The following EML4 variants were observed in gnomAD, a reference collection of about 807,000 sequenced individuals.
EML4 encodes the protein EMAP like 4.
In EML4, 72 loss-of-function variants were observed where a neutral mutation model predicts 129.0. That is an observed-to-expected ratio of 0.56 (90% CI 0.46 to 0.68). The LOEUF is 0.68. Among genes scored for constraint, EML4 ranks in the 30% least tolerant of loss-of-function variants. The probability of loss-of-function intolerance (pLI) is 0.00; values close to 1 mark genes in which losing one functional copy is unlikely to be tolerated. For missense variants in EML4, 1,363 were observed against 1,190.6 expected, an observed-to-expected ratio of 1.14 and a Z score of -2.13; for synonymous variants, 532 against 405.0, an observed-to-expected ratio of 1.31 and a Z score of -3.77.
rs1023349017 is a variant in EML4, at chr2:42,288,465, T to C, written c.1218+143T>C. ...GCCAAATTCAGCAAATTTAGTGATT[T>C]GTCATAATCGTTAAGATATTAACAC... On this transcript the variant is annotated intron_variant, in intron 11 of 22. Coordinates refer to ENST00000318522, the MANE Select transcript of EML4 (RefSeq NM_019063.5). The C allele has an allele frequency of 1.6e-4, 73 of 463,724 alleles. 1 individual carries two copies. The highest frequency in any genetic ancestry group is 2.6e-4 in the Non-Finnish European group (66 of 258,532). The allele number at this position is 463,724 out of a possible 1,614,324, so 28.7% of individuals were successfully genotyped here. A position where few individuals can be genotyped will look rare whatever the true frequency, so the allele number is the denominator to read the frequency against.
intron 6 of EML4, among the ~76,000 whole-genome samples, chr2:42,278,501 G>T (rs1022488414): frequency 1.3e-5 from 2 of 151,048 alleles, no homozygotes; most frequent in Non-Finnish European, 2.9e-5. Context: ...TTAAACCCGG[G>T]TGGCGGAGGT....
At chr2:42,293,074 G>GT (rs1240046720) in intron 11 of EML4, among the ~76,000 whole-genome samples, 1 of 151,788 alleles carries the variant, frequency 6.6e-6, no homozygotes, top group African/African-American at 2.4e-5. Flanking sequence ...GGAAAATTAC[G>GT]TAACAAGCAA....
chr2:42,310,469 C>T (rs1668875351), intron 17 of EML4, among the ~76,000 whole-genome samples: 1 of 152,144 alleles, frequency 6.6e-6, no homozygotes, highest in Non-Finnish European at 1.5e-5. Flanking sequence ...CCTCAACCTC[C>T]CAGGTAGCTG....
At chr2:42,216,270 T>A (rs1255668264) in intron 1 of EML4, among the ~76,000 whole-genome samples, 1 of 132,104 alleles carries the variant, frequency 7.6e-6, no homozygotes, top group Non-Finnish European at 1.6e-5. Context: ...TGAGATGGTG[T>A]CTTGCTCTGT....
At chr2:42,169,838 A>T in intron 1 of EML4, 1 of 490,766 alleles carries the variant, frequency 2.0e-6, no homozygotes, top group South Asian at 3.5e-5. Flanking sequence ...CCTCTGTGTC[A>T]GACCCTCCTT....
chr2:42,282,852 C>A lies in EML4; in HGVS notation c.821C>A (p.Ala274Asp). 7 of 1,612,976 alleles carry A rather than the reference C, an allele frequency of 4.3e-6. No homozygotes were observed. Among genetic ancestry groups the A allele is most frequent in the Non-Finnish European group, 5.9e-6 (7 of 1,179,108 alleles). ...AYGYRGKDCR[A>D]NVYLLPTGKI... ...GGTTATCGAGGAAAGGACTGTAGAG[C>A]TAATGTTTACCTTCTTCCGACCGGG... is the stretch of plus-strand genomic sequence containing the variant. Residue 274 changes from alanine (A) to aspartate (D), a missense_variant, in exon 8 of 23, where the codon GCT (alanine) becomes GAT (aspartate). By Grantham distance (126) the Ala-to-Asp change is moderately radical. Coordinates refer to ENST00000318522, the MANE Select transcript of EML4 (RefSeq NM_019063.5).
chr2:42,197,913 T>C (rs1671988189), intron 1 of EML4, among the ~76,000 whole-genome samples: 1 of 152,172 alleles, frequency 6.6e-6, no homozygotes, highest in Admixed American at 6.5e-5. Context: ...ATTTGAAGCA[T>C]AGGGTGGTGG....
chr2:42,278,235 AAGTC>A (rs2104449978), intron 6 of EML4, among the ~76,000 whole-genome samples: 1 of 152,236 alleles, frequency 6.6e-6, no homozygotes, highest in African/African-American at 2.4e-5. Flanking sequence ...AGGCAGGGTT[AAGTC>A]GGGGTGGGGT....
At position 42,282,451 on chromosome 2, in the gene EML4, C is replaced by T. The variant is rs190133264; in HGVS notation, c.792-372C>T. On this transcript the variant is annotated intron_variant, in intron 7 of 22. Coordinates refer to ENST00000318522, the MANE Select transcript of EML4 (RefSeq NM_019063.5). Reference sequence around the variant, plus strand: ...TGGCCCAGGCTGGAGTGCAGTGGCACGATCACTGCTCACTGTAGCCTTGAC... The same window carrying T: ...TGGCCCAGGCTGGAGTGCAGTGGCATGATCACTGCTCACTGTAGCCTTGAC... Among the ~76,000 whole-genome samples, 21 of 152,130 alleles carry T rather than the reference C, an allele frequency of 1.4e-4. No homozygotes were observed. In the East Asian group the frequency reaches 1.5e-3, roughly 11 times the overall value.
At chr2:42,287,817 G>A (rs1333882711) in intron 10 of EML4, among the ~76,000 whole-genome samples, 3 of 152,066 alleles carry the variant, frequency 2.0e-5, no homozygotes. Flanking sequence ...CTGTCAAACT[G>A]TCAAAATTTA....
rs115988792 is a variant in EML4, at chr2:42,223,614, A to C, written c.26-21891A>C. ...AGTAACCATTTTTTAGTCTTTCCCCATGACAAGAGTACAATGTGAGAAAGT... is the reference window on the plus strand; with the variant it reads ...AGTAACCATTTTTTAGTCTTTCCCCCTGACAAGAGTACAATGTGAGAAAGT... On this transcript the variant is annotated intron_variant, in intron 1 of 22. Coordinates refer to ENST00000318522, the MANE Select transcript of EML4 (RefSeq NM_019063.5). Among the ~76,000 whole-genome samples, 1,076 of 152,166 alleles carry C rather than the reference A, an allele frequency of 7.1e-3. 10 individuals are homozygous for C. The highest frequency in any genetic ancestry group is 0.025 in the African/African-American group (1,026 of 41,524).
intron 1 of EML4, among the ~76,000 whole-genome samples, chr2:42,240,217 G>C (rs936572028): frequency 1.3e-5 from 2 of 152,006 alleles, no homozygotes; most frequent in African/African-American, 4.8e-5. Flanking sequence ...AAGAAGTTAA[G>C]CTTCAGAAGC....
chr2:42,305,453 G>C (rs1359309022), intron 17 of EML4, among the ~76,000 whole-genome samples: 1 of 152,164 alleles, frequency 6.6e-6, no homozygotes, highest in African/African-American at 2.4e-5. Flanking sequence ...CTTTTATGCA[G>C]GGGAAGGATT....
chr2:42,199,336 G>C (rs1672083377), intron 1 of EML4, among the ~76,000 whole-genome samples: 1 of 152,182 alleles, frequency 6.6e-6, no homozygotes, highest in Admixed American at 6.5e-5. Flanking sequence ...ATTTGCCCAG[G>C]CTAATGGTGG....
chr2:42,254,251 T>TA (rs1386201706), intron 2 of EML4, among the ~76,000 whole-genome samples: 4 of 151,992 alleles, frequency 2.6e-5, no homozygotes, highest in Non-Finnish European at 4.4e-5. Flanking sequence ...ACCTAAGAGT[T>TA]AGAGACCAGC....
At chr2:42,256,754 C>A in intron 3 of EML4, 124 bp downstream of exon 3, 1 of 1,218,354 alleles carries the variant, frequency 8.2e-7, no homozygotes, top group Non-Finnish European at 1.1e-6. Flanking sequence ...CCTTTGAATT[C>A]TTAAACTGTG....
rs1669802992 is a variant in EML4 at position 42,326,197 on chromosome 2, T to C, written c.2286T>C (p.Asp762=). ...GCAAACTAATCAGGAATCGATCGGA[T>C]TGTAAGGACATTGATTGGACGACAT... ...NGCKLIRNRS[D]CKDIDWTTYT... Residue 762 remains aspartate (D), a synonymous_variant, in exon 21 of 23, where the codon GAT becomes GAC. Coordinates refer to ENST00000318522, the MANE Select transcript of EML4 (RefSeq NM_019063.5). 3 of 1,613,840 alleles carry C rather than the reference T, an allele frequency of 1.9e-6. No homozygotes were observed. The highest frequency in any genetic ancestry group is 1.1e-5 in the South Asian group (1 of 91,052).
intron 1 of EML4, among the ~76,000 whole-genome samples, chr2:42,186,053 C>G (rs1233196451): frequency 2.0e-5 from 3 of 152,108 alleles, no homozygotes; most frequent in Admixed American, 2.0e-4. Context: ...CCCCAAAAAA[C>G]TGTAAGTGGG....
At chr2:42,251,446 A>T (rs927332016) in intron 2 of EML4, among the ~76,000 whole-genome samples, 1 of 152,206 alleles carries the variant, frequency 6.6e-6, no homozygotes, top group Non-Finnish European at 1.5e-5. Flanking sequence ...CTTCTTTGTC[A>T]CTTCCACTCA....
Sources: gnomAD v4.1 joint callset for allele counts (sites outside exome capture counted in the v4.1 genomes callset) on GRCh38, gnomAD v4.1.1 for gene constraint, MANE v1.5 for transcripts, NCBI Gene and HGNC (gene_info 2026-07-23, HGNC 2026-07-21) for gene names.